The following SBF2 variants were observed in gnomAD, a reference collection of about 807,000 sequenced individuals.
SBF2 encodes myotubularin-related protein 13.
SBF2 carries 112 observed loss-of-function variants against 225.2 expected under a neutral mutation model. The observed-to-expected ratio is 0.50, with a 90% confidence interval of 0.43 to 0.58. The LOEUF is 0.58. Among genes scored for constraint, SBF2 ranks in the 20% least tolerant of loss-of-function variants. The pLI is 0.00. For synonymous variants in SBF2, 763 were observed against 773.3 expected, an observed-to-expected ratio of 0.99 and a Z score of 0.22; for missense variants, 1,996 against 2,206.2, an observed-to-expected ratio of 0.90 and a Z score of 1.91.
At position 9,839,480 on chromosome 11, in the gene SBF2, G is replaced by T; in HGVS notation, c.3455+18C>A. On this transcript the variant is annotated intron_variant, in intron 26 of 39. Coordinates refer to ENST00000256190, the MANE Select transcript of SBF2 (RefSeq NM_030962.4). ...AAAGGAAGGAAGACCTCTTTTTGGA[G>T]CCCACTGACACACTTACCTCCGGCA... 1 of 1,611,110 alleles carries T rather than the reference G, an allele frequency of 6.2e-7. No individual in the cohort carries two copies. Among genetic ancestry groups the T allele is most frequent in the Non-Finnish European group, 8.5e-7 (1 of 1,177,334 alleles).
At chr11:10,251,242 A>G (rs1960318110) in intron 1 of SBF2, among the ~76,000 whole-genome samples, 1 of 152,212 alleles carries the variant, frequency 6.6e-6, no homozygotes, top group Non-Finnish European at 1.5e-5. Flanking sequence ...ATGGGCCAGA[A>G]AGAATATTGT....
chr11:10,016,653 ATT>A (rs1413014292), intron 6 of SBF2: 1 of 151,968 alleles, frequency 6.6e-6, no homozygotes, highest in Non-Finnish European at 1.5e-5. Context: ...TGCCCGGCTA[ATT>A]TTTTGTATTT....
At chr11:10,213,702 G>A (rs1486893396) in intron 1 of SBF2, among the ~76,000 whole-genome samples, 2 of 152,180 alleles carry the variant, frequency 1.3e-5, no homozygotes, top group East Asian at 1.9e-4. Context: ...TCAACAAGCT[G>A]AAGTCATTAC....
chr11:10,057,070 G>A (rs571244489), intron 2 of SBF2, among the ~76,000 whole-genome samples: 1 of 152,164 alleles, frequency 6.6e-6, no homozygotes, highest in Non-Finnish European at 1.5e-5. Context: ...GGAGAAACAC[G>A]CTCCCATCTT....
chr11:9,934,171 T>C (rs183957073), intron 16 of SBF2, among the ~76,000 whole-genome samples: 11 of 152,288 alleles, frequency 7.2e-5, no homozygotes, highest in Admixed American at 2.0e-4. Flanking sequence ...CAGAGAATAC[T>C]ATAAACACCT....
At position 10,049,688 on chromosome 11, in the gene SBF2, T is replaced by C. The variant is rs545165886; in HGVS notation, c.142-6707A>G. On this transcript the variant is annotated intron_variant, in intron 2 of 39. Coordinates refer to ENST00000256190, the MANE Select transcript of SBF2 (RefSeq NM_030962.4). ...AAAACTCTTTTAGAATTCTCAATAA[T>C]TTGTGACAGTATAAAGGGTACTGAG... Among the ~76,000 whole-genome samples the C allele has an allele frequency of 3.9e-5, 6 of 152,270 alleles. No individual in the cohort carries two copies. The South Asian group carries it at 1.2e-3, about 32-fold the overall frequency.
intron 6 of SBF2, 28 bp from the exon 7 acceptor site, chr11:10,002,717 A>C: frequency 6.2e-7 from 1 of 1,607,254 alleles, no homozygotes; most frequent in Non-Finnish European, 8.5e-7. Flanking sequence ...AGGACTTACA[A>C]ATGCATTTAA....
At chr11:10,111,609 C>T (rs896962632) in intron 2 of SBF2, among the ~76,000 whole-genome samples, 5 of 152,232 alleles carry the variant, frequency 3.3e-5, no homozygotes, top group Admixed American at 6.5e-5. Flanking sequence ...GGTGCAGTGG[C>T]TCACGCCTGT....
At chr11:10,179,812 TTC>T (rs1167228654) in intron 2 of SBF2, among the ~76,000 whole-genome samples, 1 of 152,188 alleles carries the variant, frequency 6.6e-6, no homozygotes. Context: ...GAAGGTAATT[TTC>T]TCTGGTGGTA....
At chr11:9,865,070 C>G (rs1457136518) in intron 17 of SBF2, among the ~76,000 whole-genome samples, 1 of 152,082 alleles carries the variant, frequency 6.6e-6, no homozygotes, top group Non-Finnish European at 1.5e-5. Flanking sequence ...ATTACCATGC[C>G]TGGCTAATTA....
At chr11:9,926,481 G>A (rs1251011873) in intron 16 of SBF2, among the ~76,000 whole-genome samples, 1 of 151,960 alleles carries the variant, frequency 6.6e-6, no homozygotes, top group Non-Finnish European at 1.5e-5. Flanking sequence ...AGTGCATAAG[G>A]AATAGCTGCC....
At chr11:9,807,342 G>A (rs1853910676) in intron 32 of SBF2, among the ~76,000 whole-genome samples, 1 of 152,164 alleles carries the variant, frequency 6.6e-6, no homozygotes, top group African/African-American at 2.4e-5. Context: ...TACCCTCACT[G>A]CATTTGAATG....
intron 27 of SBF2, 99 bp downstream of exon 27, chr11:9,832,125 G>A: frequency 9.7e-7 from 1 of 1,034,370 alleles, no homozygotes; most frequent in Non-Finnish European, 1.5e-6. Flanking sequence ...TGTGAGACAA[G>A]ACTTGATGAA....
At chr11:10,111,342 A>C (rs1441499029) in intron 2 of SBF2, among the ~76,000 whole-genome samples, 1 of 152,242 alleles carries the variant, frequency 6.6e-6, no homozygotes, top group Non-Finnish European at 1.5e-5. Flanking sequence ...CACATGCATC[A>C]GAAATAAATG....
intron 16 of SBF2, among the ~76,000 whole-genome samples, chr11:9,948,951 A>G (rs1055896747): frequency 6.6e-6 from 1 of 152,136 alleles, no homozygotes; most frequent in African/African-American, 2.4e-5. Context: ...GGCCACCTAT[A>G]CTACCTCATT....
At chr11:9,960,768 GA>G (rs1233772785) in intron 16 of SBF2, 1 of 152,148 alleles carries the variant, frequency 6.6e-6, no homozygotes, top group Non-Finnish European at 1.5e-5. Flanking sequence ...GGTTTCAAGT[GA>G]TTCTCCTGCC....
chr11:10,002,715 C>T (rs371138368), intron 6 of SBF2, 26 bp from the exon 7 acceptor site: 2 of 1,608,210 alleles, frequency 1.2e-6, no homozygotes, highest in African/African-American at 1.3e-5. Context: ...CAAGGACTTA[C>T]AAATGCATTT....
Position 9,968,344 on chromosome 11 carries a change from C to T in SBF2, c.1597G>A (p.Val533Ile). 1.2e-6 allele frequency: 2 copies of T among 1,613,868 alleles called. No individual in the cohort carries two copies. Among genetic ancestry groups the T allele is most frequent in the South Asian group, 1.1e-5 (1 of 91,072 alleles). Residue 533 changes from valine (V) to isoleucine (I), a missense_variant, in exon 14 of 40, where the codon GTT becomes ATT. By Grantham distance (29) the Val-to-Ile change is conservative. Transcript: ENST00000256190. ...AAACAGACAGACAAATACATACCAA[C>T]AGGTGGACCTGCTGGCACAACACAT... is the stretch of plus-strand genomic sequence containing the variant. ...KKCVVPAGPP[V>I]VSIMDKVTTV...
rs540458928 is a variant in SBF2, at chr11:10,267,605, T to C, written c.55+26410A>G. ...CTGCATTTTCTTTTCTTTCTTTTTT[T>C]TTGAGACAGGGTCTTACTCCTACTT... On this transcript the variant is annotated intron_variant, in intron 1 of 39. Transcript: ENST00000256190. Among the ~76,000 whole-genome samples the C allele has an allele frequency of 5.1e-4, 77 of 151,980 alleles. 1 individual carries two copies. Among genetic ancestry groups the C allele is most frequent in the African/African-American group, 1.8e-3 (75 of 41,456 alleles).
Sources: allele counts gnomAD v4.1 joint callset (sites outside exome capture counted in the v4.1 genomes callset), GRCh38; gene constraint gnomAD v4.1.1; transcripts MANE v1.5; gene names NCBI Gene and HGNC (gene_info 2026-07-23, HGNC 2026-07-21).